The following URGCP variants were observed in gnomAD, a reference collection of about 807,000 sequenced individuals.
URGCP encodes the protein upregulator of cell proliferation.
In URGCP, 13 loss-of-function variants were observed where a neutral mutation model predicts 24.6. The observed-to-expected ratio is 0.53, with a 90% confidence interval of 0.34 to 0.84. The LOEUF is 0.84. URGCP is among the 40% of genes least tolerant of loss of function. URGCP has a pLI of 0.01. For synonymous variants in URGCP, 444 were observed against 487.2 expected, an observed-to-expected ratio of 0.91 and a Z score of 1.17; for missense variants, 899 against 1,194.3, an observed-to-expected ratio of 0.75 and a Z score of 3.64.
At chr7:43,919,024 A>T in intron 1 of URGCP, 4 of 1,123,006 alleles carry the variant, frequency 3.6e-6, no homozygotes, top group Non-Finnish European at 5.5e-6. Context: ...AGATTCTCCC[A>T]GAGGGAGAAG....
chr7:43,916,707 A>ACCCC (rs1204214927), intron 1 of URGCP, among the ~76,000 whole-genome samples: 15 of 24,678 alleles, frequency 6.1e-4, no homozygotes, highest in African/African-American at 7.2e-4. Flanking sequence ...CCCACTCCCT[A>ACCCC]CCCACCCCCC....
intron 1 of URGCP, among the ~76,000 whole-genome samples, chr7:43,911,626 GGT>G (rs2095910274): frequency 6.6e-6 from 1 of 152,192 alleles, no homozygotes; most frequent in Admixed American, 6.5e-5. Context: ...GAACCTGGGA[GGT>G]GGAGGTTGTA....
intron 1 of URGCP, 89 bp downstream of exon 1, chr7:43,906,473 C>T: frequency 9.1e-7 from 1 of 1,101,704 alleles, no homozygotes; most frequent in Non-Finnish European, 1.1e-6. Flanking sequence ...GCATCCCAGA[C>T]CAGAGCCCGC....
chr7:43,906,985 C>CA (rs1484967417), upstream of URGCP: 1 of 154,736 alleles, frequency 6.5e-6, no homozygotes, highest in African/African-American at 2.4e-5. Context: ...TATTATTAAG[C>CA]AAAACAATAA....
chr7:43,894,891 C>T (rs576201918), intron 1 of URGCP, among the ~76,000 whole-genome samples: 1 of 152,154 alleles, frequency 6.6e-6, no homozygotes, highest in Admixed American at 6.6e-5. Context: ...ATCAGCCAAC[C>T]ATGGTGGCTC....
chr7:43,877,864 T>C lies in URGCP; in HGVS notation c.1599A>G (p.Leu533=), dbSNP rs778758615. The part of the protein sequence containing the change: ...KHRAELRRRL[L]ELRMQQNGHD... ...GGCCGTTCTGCTGCATTCGAAGTTCTAGCAGCCGCCGCCTCAGCTCAGCCC... is the reference window on the plus strand; with the variant it reads ...GGCCGTTCTGCTGCATTCGAAGTTCCAGCAGCCGCCGCCTCAGCTCAGCCC... The change falls in exon 6 of 6, where the codon CTA becomes CTG. Residue 533 remains leucine, a synonymous_variant. Coordinates refer to ENST00000453200, the MANE Select transcript of URGCP (RefSeq NM_001077663.3). 2 of 1,612,194 alleles carry C rather than the reference T, an allele frequency of 1.2e-6. No homozygotes were observed. The highest frequency in any genetic ancestry group is 1.1e-5 in the South Asian group (1 of 91,002).
chr7:43,923,902 C>T (rs1429604946), intron 1 of URGCP, among the ~76,000 whole-genome samples: 1 of 151,774 alleles, frequency 6.6e-6, no homozygotes, highest in East Asian at 1.9e-4. Flanking sequence ...GACACAGTCT[C>T]GCTGTTGCCC....
chr7:43,906,318 C>T (rs979752627), intron 1 of URGCP: 36 of 188,932 alleles, frequency 1.9e-4, no homozygotes, highest in Non-Finnish European at 2.4e-4. Context: ...TACCCGGACC[C>T]CCGCATCCCG....
At chr7:43,879,316 A>G (rs1272233347) in intron 5 of URGCP, 56 bp from the exon 6 acceptor site, 3 of 1,531,330 alleles carry the variant, frequency 2.0e-6, no homozygotes, top group Non-Finnish European at 2.6e-6. Flanking sequence ...GCTAGGGGCC[A>G]GGGAAGAGCT....
rs184017211 is a variant in URGCP, at chr7:43,915,515, C to T, written c.-116+10617G>A. 2.6e-5 allele frequency among the ~76,000 whole-genome samples: 4 copies of T among 152,302 alleles called. No individual in the cohort carries two copies. In the East Asian group the frequency reaches 7.7e-4, roughly 29 times the overall value. ...TACAATATTGGGGGTATTCCACCCC[C>T]ACCTCAATGGCTGCAGATGCATGCA... On this transcript the variant is annotated intron_variant, in intron 1 of 5. Coordinates refer to the URGCP transcript ENST00000426198.
At chr7:43,893,907 T>A (rs2095874676) in intron 1 of URGCP, among the ~76,000 whole-genome samples, 1 of 151,708 alleles carries the variant, frequency 6.6e-6, no homozygotes, top group African/African-American at 2.4e-5. Context: ...GAAAAAAAAA[T>A]ATTCCATGCA....
chr7:43,880,255 A>C (rs2095851799), intron 5 of URGCP, among the ~76,000 whole-genome samples: 1 of 152,334 alleles, frequency 6.6e-6, no homozygotes, highest in Non-Finnish European at 1.5e-5. Flanking sequence ...ATGTATTAAA[A>C]TATTCAGTGC....
upstream of URGCP, among the ~76,000 whole-genome samples, chr7:43,909,774 GC>G (rs2095907998): frequency 6.6e-6 from 1 of 152,020 alleles, no homozygotes; most frequent in Non-Finnish European, 1.5e-5. Flanking sequence ...CCAGTGCTGT[GC>G]CTCACGCCTG....
intron 2 of URGCP, 64 bp from the exon 3 acceptor site, chr7:43,887,549 T>G (rs750933381): frequency 6.3e-7 from 1 of 1,577,534 alleles, no homozygotes; most frequent in African/African-American, 1.4e-5. Context: ...CCTATCAAAC[T>G]GGCCGCATAT....
Position 43,877,649 on chromosome 7 carries a change from G to C in URGCP, c.1814C>G (p.Pro605Arg). The change falls in exon 6 of 6, where the codon CCG becomes CGG. Residue 605 changes from proline to arginine, a missense_variant. Transcript: ENST00000453200. ...KHGGTTDVGE[P>R]LWPEPLGVEH... ...CACCCCTAGGGGCTCAGGCCAGAGC[G>C]GCTCCCCCACGTCTGTGGTGCCCCC... is the stretch of plus-strand genomic sequence containing the variant. 1 of 1,614,098 alleles carries C rather than the reference G, an allele frequency of 6.2e-7. No individual in the cohort carries two copies. Among genetic ancestry groups the C allele is most frequent in the Non-Finnish European group, 8.5e-7 (1 of 1,180,020 alleles).
chr7:43,906,383 G>GC (rs200939452), intron 1 of URGCP, 179 bp downstream of exon 1: 654,289 of 654,328 alleles, frequency 1, 327,128 homozygotes, highest in Middle Eastern at 1. Flanking sequence ...CCGCGCGGCC[G>GC]GTCCGCCCAA....
chr7:43,917,074 T>G (rs2095916392), intron 1 of URGCP, among the ~76,000 whole-genome samples: 1 of 152,160 alleles, frequency 6.6e-6, no homozygotes, highest in African/African-American at 2.4e-5. Flanking sequence ...GTTAATTTCC[T>G]AAACCTTAAA....
intron 1 of URGCP, among the ~76,000 whole-genome samples, chr7:43,901,432 G>A (rs960148466): frequency 1.1e-4 from 17 of 152,180 alleles, no homozygotes; most frequent in African/African-American, 3.4e-4. Flanking sequence ...TAGTTCTCCC[G>A]TACGTCCAGC....
rs184477530 is a variant in URGCP at position 43,925,488 on chromosome 7, G to A, written c.-116+644C>T. On this transcript the variant is annotated intron_variant, in intron 1 of 5. Coordinates refer to the URGCP transcript ENST00000426198. ...GTGAAATGCACTGATATTTTATTCT[G>A]TTTTTTTATTTTTATTTTTTATTAT... Among the ~76,000 whole-genome samples the A allele has an allele frequency of 2.8e-3, 430 of 152,034 alleles. 1 individual carries two copies. Among genetic ancestry groups the A allele is most frequent in the African/African-American group, 1.0e-2 (413 of 41,476 alleles).
Sources: gnomAD v4.1 joint callset for allele counts (sites outside exome capture counted in the v4.1 genomes callset) on GRCh38, gnomAD v4.1.1 for gene constraint, MANE v1.5 for transcripts, NCBI Gene and HGNC (gene_info 2026-07-23, HGNC 2026-07-21) for gene names.